AUTS2: variants seen among roughly 807,000 people sequenced by gnomAD.
AUTS2 encodes autism susceptibility gene 2 protein.
Under a neutral mutation model 112.4 loss-of-function variants are expected in AUTS2, and 17 were observed. The observed-to-expected ratio is 0.15, with a 90% confidence interval of 0.10 to 0.23. The LOEUF (loss-of-function observed/expected upper bound fraction) is 0.23. Ranked by LOEUF, AUTS2 falls within the 10% of genes least tolerant of loss-of-function variation. The pLI is 1.00. For missense variants in AUTS2, 1,510 were observed against 1,701.6 expected (o/e 0.89, Z 1.98); for synonymous variants, 751 against 702.7 (o/e 1.07, Z -1.09).
chr7:69,899,957 T>C (rs1365238092), intron 2 of AUTS2, among the ~76,000 whole-genome samples: 5 of 152,214 alleles, frequency 3.3e-5, no homozygotes, highest in Non-Finnish European at 7.3e-5. Context: ...GCTCAGATAT[T>C]GTGGCATCTG....
chr7:70,152,963 A>C (rs981810848), intron 4 of AUTS2, among the ~76,000 whole-genome samples: 56 of 152,294 alleles, frequency 3.7e-4, no homozygotes, highest in Middle Eastern at 6.8e-3. Context: ...TAGATCATGT[A>C]AATCTTTCCC....
intron 2 of AUTS2, among the ~76,000 whole-genome samples, chr7:69,954,385 A>G (rs1327053198): frequency 1.3e-5 from 2 of 152,152 alleles, no homozygotes. Flanking sequence ...GGGCTCAAGC[A>G]GTCCCGCCAT....
intron 1 of AUTS2, among the ~76,000 whole-genome samples, chr7:69,794,026 T>G (rs549777294): frequency 6.6e-6 from 1 of 152,056 alleles, no homozygotes; most frequent in African/African-American, 2.4e-5. Context: ...GGAGGGAAAA[T>G]TATGCTGATT....
At chr7:70,717,076 G>C (rs1278886014) in intron 6 of AUTS2, among the ~76,000 whole-genome samples, 2 of 148,472 alleles carry the variant, frequency 1.3e-5, no homozygotes, top group African/African-American at 2.5e-5. Context: ...CTGTCACCCA[G>C]ACTGTGGTGC....
At chr7:70,239,388 C>T (rs1812488919) in intron 4 of AUTS2, among the ~76,000 whole-genome samples, 1 of 152,150 alleles carries the variant, frequency 6.6e-6, no homozygotes, top group Non-Finnish European at 1.5e-5. Context: ...CTACCTTTCT[C>T]CTCCCCTACC....
At chr7:70,700,785 G>A (rs752836395) in intron 6 of AUTS2, among the ~76,000 whole-genome samples, 1 of 152,136 alleles carries the variant, frequency 6.6e-6, no homozygotes, top group African/African-American at 2.4e-5. Flanking sequence ...TTTTTACTCC[G>A]GGTAGTGGCA....
intron 5 of AUTS2, among the ~76,000 whole-genome samples, chr7:70,659,200 A>G (rs1190193468): frequency 6.6e-6 from 1 of 152,172 alleles, no homozygotes; most frequent in Admixed American, 6.5e-5. Flanking sequence ...GAGGTTCGGC[A>G]CCTGACCTCT....
intron 3 of AUTS2, among the ~76,000 whole-genome samples, chr7:70,126,704 T>G (rs1378587768): frequency 6.6e-6 from 1 of 152,226 alleles, no homozygotes; most frequent in Non-Finnish European, 1.5e-5. Flanking sequence ...TAAAAACTTT[T>G]AATAAACAAG....
At chr7:69,960,566 G>T (rs1405517972) in intron 2 of AUTS2, among the ~76,000 whole-genome samples, 1 of 152,146 alleles carries the variant, frequency 6.6e-6, no homozygotes, top group East Asian at 1.9e-4. Flanking sequence ...TTGTTATATA[G>T]AAGTAAGTAT....
At chr7:69,613,284 A>T (rs1793143548) in intron 1 of AUTS2, among the ~76,000 whole-genome samples, 1 of 152,206 alleles carries the variant, frequency 6.6e-6, no homozygotes. Flanking sequence ...AGGATTTTCT[A>T]GGTATAATAA....
At chr7:70,591,586 A>T (rs989113407) in intron 5 of AUTS2, among the ~76,000 whole-genome samples, 3 of 152,098 alleles carry the variant, frequency 2.0e-5, no homozygotes, top group Non-Finnish European at 4.4e-5. Context: ...TTTAGTAGAG[A>T]CAGGGTTTCA....
At chr7:70,118,292 A>G (rs1283007742) in intron 3 of AUTS2, 59 bp downstream of exon 3, 10 of 1,470,534 alleles carry the variant, frequency 6.8e-6, no homozygotes, top group Non-Finnish European at 8.1e-6. Flanking sequence ...TAGGCCACAC[A>G]CACACCATTG....
rs567513060 is a variant in AUTS2, at chr7:70,232,843, C to T, written c.660+98272C>T. 1.1e-4 allele frequency among the ~76,000 whole-genome samples: 16 copies of T among 152,258 alleles called. No homozygotes were observed. In the South Asian group the frequency reaches 3.3e-3, roughly 32 times the overall value. ...GCCTGTATTTAATAATTACTCTTGA[C>T]AACACAGGTAGCAGTTGATGCTCAA... On this transcript the variant is annotated intron_variant, in intron 4 of 18. Coordinates refer to ENST00000342771, the MANE Select transcript of AUTS2 (RefSeq NM_015570.4).
intron 5 of AUTS2, among the ~76,000 whole-genome samples, chr7:70,497,493 G>A (rs1798604733): frequency 6.6e-6 from 1 of 152,178 alleles, no homozygotes; most frequent in Non-Finnish European, 1.5e-5. Flanking sequence ...ATGTAACTGA[G>A]AATACTTGGT....
intron 4 of AUTS2, among the ~76,000 whole-genome samples, chr7:70,356,960 G>A (rs769475223): frequency 2.6e-5 from 4 of 152,166 alleles, no homozygotes; most frequent in Non-Finnish European, 4.4e-5. Flanking sequence ...GAGGAATGTT[G>A]TATAAATTCC....
chr7:69,635,288 A>C (rs1466548309), intron 1 of AUTS2, among the ~76,000 whole-genome samples: 1 of 152,246 alleles, frequency 6.6e-6, no homozygotes, highest in African/African-American at 2.4e-5. Flanking sequence ...ATAAGGAAAG[A>C]TGTTCATGCT....
chr7:70,585,832 A>AGATT (rs1228132185), intron 5 of AUTS2, among the ~76,000 whole-genome samples: 2 of 98,334 alleles, frequency 2.0e-5, no homozygotes, highest in African/African-American at 8.6e-5. Flanking sequence ...AATGAAATAA[A>AGATT]GATTTATTTA....
chr7:70,369,516 C>T (rs1466965557), intron 4 of AUTS2, among the ~76,000 whole-genome samples: 1 of 151,990 alleles, frequency 6.6e-6, no homozygotes, highest in African/African-American at 2.4e-5. Flanking sequence ...AAGGAGGGCA[C>T]CAGAGTGATG....
intron 14 of AUTS2, among the ~76,000 whole-genome samples, chr7:70,780,500 C>G (rs1429093998): frequency 2.6e-5 from 4 of 152,014 alleles, no homozygotes; most frequent in Admixed American, 6.6e-5. Context: ...CTCAGCCTCC[C>G]CAGTAGCTGG....
Sources: allele counts gnomAD v4.1 joint callset (sites outside exome capture counted in the v4.1 genomes callset), GRCh38; gene constraint gnomAD v4.1.1; transcripts MANE v1.5; gene names NCBI Gene and HGNC (gene_info 2026-07-23, HGNC 2026-07-21).